Variants in DHX36 observed in about 807,000 individuals in gnomAD.
The protein encoded by DHX36 is DEAH-box helicase 36, also known as ATP-dependent DNA/RNA helicase DHX36.
A neutral mutation model predicts 139.0 loss-of-function variants in DHX36; 50 were observed. The ratio of observed to expected loss-of-function variants is 0.36; its 90% CI spans 0.29 to 0.46. The LOEUF (loss-of-function observed/expected upper bound fraction) is 0.46. Among genes scored for constraint, DHX36 ranks in the 20% least tolerant of loss-of-function variants. The probability of loss-of-function intolerance (pLI) is 1.00; values close to 1 mark genes in which losing one functional copy is unlikely to be tolerated. For missense variants in DHX36, 1,024 were observed against 1,211.3 expected (o/e 0.85, Z 2.29); for synonymous variants, 425 against 401.9 (o/e 1.06, Z -0.69).
At chr3:154,312,180 T>A (rs1026908910) in intron 3 of DHX36, 5 of 152,210 alleles carry the variant, frequency 3.3e-5, no homozygotes, top group African/African-American at 1.2e-4. Flanking sequence ...AGAGCTGTGA[T>A]CTCAGTTAAG....
rs930863009 is a variant in DHX36, at chr3:154,275,494, C to A, written c.*677G>T. On this transcript the variant is annotated 3_prime_UTR_variant, in exon 25 of 25. Transcript: ENST00000496811. ...AAAAGGAGAGAAGCCAAGACACTGA[C>A]TAACTGACAGAGCTGAGACTGGAAC... is the stretch of plus-strand genomic sequence containing the variant. The A allele has an allele frequency of 6.6e-6, 1 of 152,518 alleles. No individual in the cohort carries two copies. The highest frequency in any genetic ancestry group is 1.5e-5 in the Non-Finnish European group (1 of 68,054). 9.4% of individuals were successfully genotyped at this position (152,518 alleles called of 1,614,324 possible). A position where few individuals can be genotyped will look rare whatever the true frequency, so the allele number is the denominator to read the frequency against.
chr3:154,320,238 C>A (rs1713137817), intron 1 of DHX36, among the ~76,000 whole-genome samples: 1 of 152,168 alleles, frequency 6.6e-6, no homozygotes, highest in Non-Finnish European at 1.5e-5. Context: ...TATTTTGTAA[C>A]CTTCTTTTCC....
In DHX36 at chr3:154,324,205, C is replaced by T. The variant is rs1713312558; in HGVS notation, c.212G>A (p.Gly71Glu). Residue 71 changes from glycine to glutamate, a missense_variant, in exon 1 of 25, where the codon GGG (glycine) becomes GAG (glutamate). This residue lies in a region of DHX36 where 293 missense variants were observed against 274.4 expected (regional missense o/e 1.07). Coordinates refer to ENST00000496811, the MANE Select transcript of DHX36 (RefSeq NM_020865.3). Reference sequence around the variant, plus strand: ...CCTCTCCGCTTCCTTGTTCTTCTGCCCCTGTTTTTTCGCGTACCACATGCC... The same window carrying T: ...CCTCTCCGCTTCCTTGTTCTTCTGCTCCTGTTTTTTCGCGTACCACATGCC... Reference protein sequence around the residue: ...EIGMWYAKKQGQKNKEAERQE... With the variant: ...EIGMWYAKKQEQKNKEAERQE... The T allele has an allele frequency of 6.2e-7, 1 of 1,613,100 alleles. No individual in the cohort carries two copies.
At chr3:154,315,305 A>G in intron 2 of DHX36, 25 bp from the exon 3 acceptor site, 1 of 1,562,992 alleles carries the variant, frequency 6.4e-7, no homozygotes, top group Non-Finnish European at 8.7e-7. Context: ...TAAGAAAGGA[A>G]GAAAGGTCAG....
In DHX36 at chr3:154,311,644, T is replaced by A; in HGVS notation, c.634A>T (p.Met212Leu). 1.3e-6 allele frequency: 2 copies of A among 1,597,600 alleles called. No individual in the cohort carries two copies. Among genetic ancestry groups the A allele is most frequent in the Non-Finnish European group, 1.7e-6 (2 of 1,175,430 alleles). The change falls in exon 4 of 25, where the codon ATG becomes TTG. Residue 212 changes from methionine to leucine, a missense_variant. This residue lies in a region of DHX36 where 293 missense variants were observed against 274.4 expected (regional missense o/e 1.07). Transcript: ENST00000496811. ...GGAAAAAAGCACTTTACCTTTTGCA[T>A]TCCATACGAAGGCAGCTTTTCTCTG... ...HFREKLPSYG[M>L]QKELVNLIDN...
chr3:154,276,824 C>T lies in DHX36; in HGVS notation c.2764G>A (p.Asp922Asn). 6.2e-7 allele frequency: 1 copy of T among 1,613,918 alleles called. No homozygotes were observed. Residue 922 changes from aspartate to asparagine, a missense_variant, in exon 24 of 25, where the codon GAT becomes AAT. Physicochemically the swap from Asp to Asn is conservative, Grantham distance 23 (BLOSUM62 1). Around this residue, in one of 4 missense-constraint regions of DHX36, gnomAD observed 470 missense variants for 616.2 expected, o/e 0.76. Transcript: ENST00000496811. ...ACAGCAATAGTTTCCTGATCGTTATCCTTCTGGATGGAAATGTCACCTCCA... is the reference window on the plus strand; with the variant it reads ...ACAGCAATAGTTTCCTGATCGTTATTCTTCTGGATGGAAATGTCACCTCCA... ...FFGGDISIQK[D>N]NDQETIAVDE...
rs1372997889 is a variant in DHX36 at position 154,303,407 on chromosome 3, T to C, written c.1139A>G (p.Asn380Ser). 6.3e-7 allele frequency: 1 copy of C among 1,597,208 alleles called. No individual in the cohort carries two copies. Among genetic ancestry groups the C allele is most frequent in the Non-Finnish European group, 8.5e-7 (1 of 1,172,656 alleles). Residue 380 changes from asparagine (N) to serine (S), a missense_variant, in exon 9 of 25, where the codon AAC becomes AGC. Around this residue, in one of 4 missense-constraint regions of DHX36, gnomAD observed 146 missense variants for 215.0 expected, o/e 0.68. Transcript: ENST00000496811. ...NAEKFSEYFGNCPMIHIPGFT... is the reference protein window; with the variant it reads ...NAEKFSEYFGSCPMIHIPGFT... ...ACCAGGTATATGTATCATTGGACAGTTACCTATTACGGCAGACAAAATATA... is the reference window on the plus strand; with the variant it reads ...ACCAGGTATATGTATCATTGGACAGCTACCTATTACGGCAGACAAAATATA...
chr3:154,318,634 T>G (rs184600596), intron 1 of DHX36, among the ~76,000 whole-genome samples: 12 of 152,296 alleles, frequency 7.9e-5, no homozygotes, highest in Admixed American at 4.6e-4. Flanking sequence ...CAACATCAGT[T>G]GGTAGACTTT....
intron 3 of DHX36, among the ~76,000 whole-genome samples, chr3:154,313,525 CA>C (rs932197632): frequency 4.6e-5 from 7 of 151,872 alleles, no homozygotes; most frequent in Non-Finnish European, 1.0e-4. Flanking sequence ...ACAAAAAATA[CA>C]AAAATTAACC....
chr3:154,309,300 T>TA (rs934576840), intron 5 of DHX36, among the ~76,000 whole-genome samples: 21 of 146,210 alleles, frequency 1.4e-4, no homozygotes, highest in African/African-American at 2.1e-4. Flanking sequence ...ATGACAGAAG[T>TA]AAAAAAAAAA....
At chr3:154,294,015 T>G (rs1474398377) in intron 13 of DHX36, among the ~76,000 whole-genome samples, 1 of 152,220 alleles carries the variant, frequency 6.6e-6, no homozygotes, top group Non-Finnish European at 1.5e-5. Flanking sequence ...TAAACCACAT[T>G]AAATCTCCCA....
At chr3:154,321,304 A>C (rs1050096097) in intron 1 of DHX36, among the ~76,000 whole-genome samples, 5 of 152,210 alleles carry the variant, frequency 3.3e-5, no homozygotes, top group African/African-American at 1.2e-4. Flanking sequence ...TCTCGAACTG[A>C]AAATGTGCTT....
At chr3:154,302,356 A>AT (rs1330544024) in intron 9 of DHX36, among the ~76,000 whole-genome samples, 2 of 152,188 alleles carry the variant, frequency 1.3e-5, no homozygotes, top group East Asian at 3.9e-4. Context: ...TAACTTTTTG[A>AT]TTTATAGGTC....
rs754376711 is a variant in DHX36 at position 154,309,710 on chromosome 3, T to C, written c.756A>G (p.Gly252=). The change falls in exon 5 of 25, where the codon GGA becomes GGG. Residue 252 remains glycine (G), a synonymous_variant. Transcript: ENST00000496811. ...AAACTATTCTGCAAGCAGATCCTTT[T>C]CCTCTTTCAATGTAGTTATCCAAAA... ...QFILDNYIER[G]KGSACRIVCT... 34 of 1,613,256 alleles carry C rather than the reference T, an allele frequency of 2.1e-5. No homozygotes were observed. Among genetic ancestry groups the C allele is most frequent in the Non-Finnish European group, 2.9e-5 (34 of 1,179,756 alleles).
At position 154,293,186 on chromosome 3, in the gene DHX36, T is replaced by C. The variant is rs190177853; in HGVS notation, c.1671-492A>G. On this transcript the variant is annotated intron_variant, in intron 14 of 24. Transcript: ENST00000496811. Reference sequence around the variant, plus strand: ...ACCAGAAACAGGCGAAAGGACAAAATTTACCTCAGCTCCCATGCTTCTTTA... The same window carrying C: ...ACCAGAAACAGGCGAAAGGACAAAACTTACCTCAGCTCCCATGCTTCTTTA... Among the ~76,000 whole-genome samples the C allele has an allele frequency of 3.9e-5, 6 of 152,064 alleles. No homozygotes were observed. In the East Asian group the frequency reaches 1.2e-3, roughly 29 times the overall value.
At chr3:154,305,197 C>T (rs1712453257) in intron 6 of DHX36, 29 bp from the exon 7 acceptor site, 3 of 1,580,430 alleles carry the variant, frequency 1.9e-6, no homozygotes, top group Admixed American at 1.8e-5. Context: ...AATTAATAAG[C>T]CTTGGTTTTC....
intron 2 of DHX36, among the ~76,000 whole-genome samples, chr3:154,315,632 G>A (rs763520499): frequency 1.3e-5 from 2 of 151,790 alleles, no homozygotes; most frequent in Non-Finnish European, 2.9e-5. Context: ...CACCCTTTCT[G>A]AGCTACAAAT....
intron 3 of DHX36, chr3:154,311,992 T>C (rs1035975681): frequency 2.0e-5 from 4 of 204,654 alleles, no homozygotes; most frequent in Admixed American, 1.2e-4. Flanking sequence ...ATATGTTTTA[T>C]ATATTCATCT....
In DHX36 at chr3:154,315,119, T is replaced by A. The variant is rs1226167723; in HGVS notation, c.530A>T (p.Asp177Val). 1.9e-6 allele frequency: 3 copies of A among 1,613,528 alleles called. No individual in the cohort carries two copies. In the East Asian group the frequency reaches 6.7e-5, roughly 36 times the overall value. Residue 177 changes from aspartate (D) to valine (V), a missense_variant, in exon 3 of 25, where the codon GAT (aspartate) becomes GTT (valine). Asp to Val is a radical substitution (Grantham distance 152). Transcript: ENST00000496811. The stretch of plus-strand genomic sequence containing the variant: ...CAATAATTTTTGGTCTAAAGTTCCA[T>A]CTGGTTCATTTTCTTGCAAGAGATA... ...SEYLLQENEPDGTLDQKLLED... is the reference protein window; with the variant it reads ...SEYLLQENEPVGTLDQKLLED...
Sources: gnomAD v4.1 joint callset for allele counts (sites outside exome capture counted in the v4.1 genomes callset) on GRCh38, gnomAD v4.1.1 for gene constraint, gnomAD v4.1.1 regional missense constraint, MANE v1.5 for transcripts, NCBI Gene and HGNC (gene_info 2026-07-23, HGNC 2026-07-21) for gene names.